CCDC91: variants seen among roughly 807,000 people sequenced by gnomAD.
CCDC91 encodes the protein coiled-coil domain containing 91.
CCDC91 carries 48 observed loss-of-function variants against 63.2 expected under a neutral mutation model. The ratio of observed to expected loss-of-function variants is 0.76; its 90% CI spans 0.60 to 0.97. CCDC91 has a LOEUF of 0.97. CCDC91 is among the 50% of genes least tolerant of loss of function. CCDC91 has a pLI of 0.00. For missense variants in CCDC91, 500 were observed against 494.6 expected (o/e 1.01, Z -0.10); for synonymous variants, 167 against 165.8 (o/e 1.01, Z -0.06).
intron 3 of CCDC91, among the ~76,000 whole-genome samples, chr12:28,279,718 T>C (rs1173931061): frequency 1.3e-5 from 2 of 152,090 alleles, no homozygotes; most frequent in African/African-American, 4.8e-5. Flanking sequence ...TCTATTCCAC[T>C]AAATCCTTTT....
At chr12:28,422,731 A>C (rs1592629198) in intron 8 of CCDC91, among the ~76,000 whole-genome samples, 1 of 152,270 alleles carries the variant, frequency 6.6e-6, no homozygotes, top group East Asian at 1.9e-4. Context: ...GAAATCTGTT[A>C]CAAAATAAGA....
intron 8 of CCDC91, among the ~76,000 whole-genome samples, chr12:28,401,524 G>A (rs1418646010): frequency 6.6e-6 from 1 of 152,168 alleles, no homozygotes; most frequent in Non-Finnish European, 1.5e-5. Context: ...AATCATGGCA[G>A]AGGAGCTGCT....
At chr12:28,458,455 CT>C (rs60083355) in intron 11 of CCDC91, among the ~76,000 whole-genome samples, 36 of 45,784 alleles carry the variant, frequency 7.9e-4, no homozygotes, top group African/African-American at 3.3e-3. Context: ...ATTTGCACAC[CT>C]TTTTTTTTTT....
chr12:28,349,010 C>T (rs1038381315), intron 6 of CCDC91, among the ~76,000 whole-genome samples: 11 of 152,204 alleles, frequency 7.2e-5, no homozygotes, highest in African/African-American at 2.2e-4. Context: ...AGGTGTGAGC[C>T]ACCATGACTG....
chr12:28,510,408 A>T (rs1369077445), intron 12 of CCDC91, among the ~76,000 whole-genome samples: 3 of 151,894 alleles, frequency 2.0e-5, no homozygotes, highest in Admixed American at 2.0e-4. Flanking sequence ...TAAATTCCAG[A>T]CTAAAAGCTG....
intron 11 of CCDC91, among the ~76,000 whole-genome samples, chr12:28,456,319 A>G (rs1950056829): frequency 1.3e-5 from 2 of 152,146 alleles, no homozygotes; most frequent in South Asian, 2.1e-4. Context: ...GCTGTGGGCT[A>G]GGAAGAAAAA....
chr12:28,371,733 AT>A lies in CCDC91; in HGVS notation c.654+9219del, dbSNP rs569363104. 3.2e-4 allele frequency among the ~76,000 whole-genome samples: 49 copies of A among 152,314 alleles called. No individual in the cohort carries two copies. The South Asian group carries it at 9.9e-3, about 31-fold the overall frequency. The stretch of plus-strand genomic sequence containing the variant: ...TATTCATTAGGTGAGAAATCCATGG[AT>A]ATGGAGGGCCACATTTTTGTATCTG... On this transcript the variant is annotated intron_variant, in intron 7 of 12. Coordinates refer to ENST00000536442, the MANE Select transcript of CCDC91 (RefSeq NM_018318.5).
At chr12:28,267,752 TATATAATTA>T (rs1366913265) in intron 3 of CCDC91, among the ~76,000 whole-genome samples, 1 of 34,684 alleles carries the variant, frequency 2.9e-5, no homozygotes. Flanking sequence ...TATATATTAC[TATATAATTA>T]TATATAATTA....
intron 12 of CCDC91, 120 bp from the exon 13 acceptor site, chr12:28,548,942 AT>A: frequency 1.6e-6 from 1 of 627,328 alleles, no homozygotes; most frequent in Non-Finnish European, 2.9e-6. Flanking sequence ...GTACTATTTG[AT>A]TTCCTAAATT....
intron 7 of CCDC91, among the ~76,000 whole-genome samples, chr12:28,385,090 CAT>C (rs1292795776): frequency 6.6e-6 from 1 of 151,896 alleles, no homozygotes; most frequent in Non-Finnish European, 1.5e-5. Context: ...CAGTTTTGCT[CAT>C]GTTATTTTTA....
chr12:28,315,859 GATAA>G (rs1939806102), intron 6 of CCDC91, among the ~76,000 whole-genome samples: 1 of 151,002 alleles, frequency 6.6e-6, no homozygotes, highest in Admixed American at 6.6e-5. Context: ...CAAGGCCAAT[GATAA>G]ATATACATAT....
intron 3 of CCDC91, among the ~76,000 whole-genome samples, chr12:28,263,572 AT>A (rs1216761301): frequency 6.6e-6 from 1 of 151,978 alleles, no homozygotes; most frequent in African/African-American, 2.4e-5. Context: ...TATAGACCAC[AT>A]TTTGTTTATC....
intron 6 of CCDC91, among the ~76,000 whole-genome samples, chr12:28,315,605 C>T (rs1313531338): frequency 6.6e-6 from 1 of 151,994 alleles, no homozygotes; most frequent in African/African-American, 2.4e-5. Context: ...GAACAATAAT[C>T]TTCAATCCAG....
At chr12:28,218,309 T>C (rs1022199743) in intron 1 of CCDC91, among the ~76,000 whole-genome samples, 3 of 152,172 alleles carry the variant, frequency 2.0e-5, no homozygotes, top group African/African-American at 7.2e-5. Flanking sequence ...GATTTAGCAC[T>C]AGTGACAAGC....
At chr12:28,211,845 G>T (rs1943253058) in intron 1 of CCDC91, among the ~76,000 whole-genome samples, 1 of 151,530 alleles carries the variant, frequency 6.6e-6, no homozygotes, top group African/African-American at 2.4e-5. Flanking sequence ...ATTTTCAAAT[G>T]CCAAATTTTA....
chr12:28,329,866 T>G (rs1300406533), intron 6 of CCDC91, among the ~76,000 whole-genome samples: 1 of 152,112 alleles, frequency 6.6e-6, no homozygotes, highest in East Asian at 1.9e-4. Context: ...ACATGTGGTG[T>G]TTGATTTTCT....
chr12:28,261,050 G>GT (rs1946794769), intron 3 of CCDC91, among the ~76,000 whole-genome samples: 1 of 151,944 alleles, frequency 6.6e-6, no homozygotes, highest in Non-Finnish European at 1.5e-5. Flanking sequence ...AATAACTCAG[G>GT]TTTTTTGAAA....
chr12:28,233,224 C>T (rs752156785), intron 1 of CCDC91, among the ~76,000 whole-genome samples: 17 of 152,000 alleles, frequency 1.1e-4, no homozygotes, highest in Non-Finnish European at 2.1e-4. Context: ...CCCTCATTCC[C>T]CTTGTAGTCT....
chr12:28,421,384 T>C (rs1179171486), intron 8 of CCDC91, among the ~76,000 whole-genome samples: 1 of 152,004 alleles, frequency 6.6e-6, no homozygotes, highest in Non-Finnish European at 1.5e-5. Flanking sequence ...AGGTAGGCCC[T>C]GGTGTCTATT....
Sources: gnomAD v4.1 joint callset for allele counts (sites outside exome capture counted in the v4.1 genomes callset) on GRCh38, gnomAD v4.1.1 for gene constraint, MANE v1.5 for transcripts, NCBI Gene and HGNC (gene_info 2026-07-23, HGNC 2026-07-21) for gene names.